Variants in EXOC4 observed in about 807,000 individuals in gnomAD.
The protein encoded by EXOC4 is exocyst complex component 4, also known as SEC8-like 1.
EXOC4 carries 71 observed loss-of-function variants against 107.2 expected under a neutral mutation model. The ratio of observed to expected loss-of-function variants is 0.66; its 90% CI spans 0.55 to 0.81. EXOC4 has a LOEUF of 0.81. Among genes scored for constraint, EXOC4 ranks in the 30% least tolerant of loss-of-function variants. The pLI is 0.00. For missense variants in EXOC4, 1,108 were observed against 1,189.6 expected (o/e 0.93, Z 1.01); for synonymous variants, 456 against 441.2 (o/e 1.03, Z -0.42).
intron 7 of EXOC4, among the ~76,000 whole-genome samples, chr7:133,408,294 T>C (rs1797272288): frequency 6.7e-6 from 1 of 148,556 alleles, no homozygotes; most frequent in East Asian, 2.0e-4. Context: ...GTGGTAGTGA[T>C]GATGGAGGTA....
chr7:133,527,179 G>A (rs1012435113), intron 9 of EXOC4, among the ~76,000 whole-genome samples: 2 of 151,924 alleles, frequency 1.3e-5, no homozygotes, highest in Non-Finnish European at 2.9e-5. Context: ...TGAGGTGGGT[G>A]GATCACCTGA....
intron 10 of EXOC4, among the ~76,000 whole-genome samples, chr7:133,801,533 T>G (rs1232860647): frequency 6.6e-6 from 1 of 152,136 alleles, no homozygotes; most frequent in Non-Finnish European, 1.5e-5. Context: ...CAGGGATGGA[T>G]CCTGTGGGAA....
intron 7 of EXOC4, among the ~76,000 whole-genome samples, chr7:133,418,165 C>T (rs143140511): frequency 2.6e-5 from 4 of 152,226 alleles, no homozygotes; most frequent in East Asian, 1.9e-4. Context: ...TTCTTTGTTC[C>T]GTGCTTTACA....
At chr7:133,650,942 T>TTTTTTG (rs1339654850) in intron 10 of EXOC4, among the ~76,000 whole-genome samples, 1 of 73,250 alleles carries the variant, frequency 1.4e-5, no homozygotes, top group Non-Finnish European at 2.7e-5. Flanking sequence ...GGTCAGTTTT[T>TTTTTTG]TTTTTTTTTT....
intron 10 of EXOC4, among the ~76,000 whole-genome samples, chr7:133,804,757 A>G (rs1797033192): frequency 6.6e-6 from 1 of 152,188 alleles, no homozygotes; most frequent in African/African-American, 2.4e-5. Context: ...GAAAAGGACT[A>G]GGTTTTGATT....
chr7:133,345,964 T>C (rs546378215), intron 5 of EXOC4, among the ~76,000 whole-genome samples: 1 of 152,328 alleles, frequency 6.6e-6, no homozygotes, highest in East Asian at 1.9e-4. Context: ...GGGTAGTTAG[T>C]TAACATTTGA....
chr7:133,790,087 T>C (rs1185082481), intron 10 of EXOC4, among the ~76,000 whole-genome samples: 6 of 152,162 alleles, frequency 3.9e-5, no homozygotes, highest in Non-Finnish European at 7.3e-5. Flanking sequence ...AATGAGCACA[T>C]AACTAACAGA....
At chr7:133,815,075 A>G (rs989691897) in intron 10 of EXOC4, among the ~76,000 whole-genome samples, 2 of 152,180 alleles carry the variant, frequency 1.3e-5, no homozygotes, top group Non-Finnish European at 2.9e-5. Flanking sequence ...ATCTTAATCA[A>G]TGAGGATAGT....
At chr7:134,040,136 G>A (rs1304668917) in intron 17 of EXOC4, among the ~76,000 whole-genome samples, 1 of 152,142 alleles carries the variant, frequency 6.6e-6, no homozygotes, top group Non-Finnish European at 1.5e-5. Context: ...TGATGTTCAT[G>A]TCTCTTGGTC....
At chr7:133,971,656 A>G (rs919080710) in intron 14 of EXOC4, among the ~76,000 whole-genome samples, 3 of 152,138 alleles carry the variant, frequency 2.0e-5, no homozygotes, top group Non-Finnish European at 4.4e-5. Flanking sequence ...TTTCCATGTG[A>G]AATTTATGCC....
At chr7:134,070,870 G>A (rs1194494343), downstream of EXOC4, among the ~76,000 whole-genome samples, 1 of 152,042 alleles carries the variant, frequency 6.6e-6, no homozygotes, top group African/African-American at 2.4e-5. Context: ...TCAGATTCCT[G>A]CTGACTTTGC....
intron 9 of EXOC4, among the ~76,000 whole-genome samples, chr7:133,486,126 A>G (rs1799266118): frequency 6.6e-6 from 1 of 152,192 alleles, no homozygotes. Flanking sequence ...GATGATTTGC[A>G]TTACATAGTA....
At chr7:133,629,845 A>G (rs1802547176) in intron 9 of EXOC4, among the ~76,000 whole-genome samples, 200 bp from the exon 10 acceptor site, 1 of 151,996 alleles carries the variant, frequency 6.6e-6, no homozygotes. Flanking sequence ...GCCCGGCTAG[A>G]GTGAAAATTC....
intron 7 of EXOC4, among the ~76,000 whole-genome samples, chr7:133,418,273 G>C (rs778506395): frequency 5.9e-5 from 9 of 152,158 alleles, no homozygotes; most frequent in Non-Finnish European, 1.0e-4. Flanking sequence ...ATTGATTACT[G>C]TAGTTTCTCT....
chr7:133,619,526 C>G (rs1288118481), intron 9 of EXOC4, among the ~76,000 whole-genome samples: 1 of 152,146 alleles, frequency 6.6e-6, no homozygotes, highest in Non-Finnish European at 1.5e-5. Flanking sequence ...AAATCTACTG[C>G]CCAACTGGCA....
intron 7 of EXOC4, among the ~76,000 whole-genome samples, chr7:133,398,604 C>T (rs1797023213): frequency 6.6e-6 from 1 of 152,188 alleles, no homozygotes; most frequent in Admixed American, 6.5e-5. Flanking sequence ...CTTTCCTTTC[C>T]AGGCACTTCT....
intron 11 of EXOC4, among the ~76,000 whole-genome samples, chr7:133,834,537 C>G (rs1585185642): frequency 6.6e-6 from 1 of 152,234 alleles, no homozygotes; most frequent in African/African-American, 2.4e-5. Flanking sequence ...GGAGGCACCC[C>G]TCTGCGCAGA....
At chr7:133,675,563 G>C (rs1794038075) in intron 10 of EXOC4, among the ~76,000 whole-genome samples, 1 of 152,198 alleles carries the variant, frequency 6.6e-6, no homozygotes, top group South Asian at 2.1e-4. Flanking sequence ...TATCAGGGAA[G>C]AGTTGACTTT....
At chr7:133,474,669 G>A (rs973741589) in intron 7 of EXOC4, among the ~76,000 whole-genome samples, 1 of 152,020 alleles carries the variant, frequency 6.6e-6, no homozygotes, top group Non-Finnish European at 1.5e-5. Flanking sequence ...CTCAATATGA[G>A]TAGTGGCTAT....
Sources: gnomAD v4.1 joint callset for allele counts (sites outside exome capture counted in the v4.1 genomes callset) on GRCh38, gnomAD v4.1.1 for gene constraint, MANE v1.5 for transcripts, NCBI Gene and HGNC (gene_info 2026-07-23, HGNC 2026-07-21) for gene names.